CELSR1: variants seen among roughly 807,000 people sequenced by gnomAD.
CELSR1 encodes the protein adhesion G protein-coupled receptor C1.
In CELSR1, 110 loss-of-function variants were observed where a neutral mutation model predicts 249.1. That is an observed-to-expected ratio of 0.44 (90% confidence interval 0.38 to 0.52). CELSR1 has a LOEUF of 0.52. Ranked by LOEUF, CELSR1 falls within the 20% of genes least tolerant of loss-of-function variation. CELSR1 has a pLI of 0.00. For synonymous variants in CELSR1, 2,113 were observed against 1,900.0 expected (o/e 1.11, Z -2.92); for missense variants, 4,109 against 4,296.4 (o/e 0.96, Z 1.22).
intron 1 of CELSR1, among the ~76,000 whole-genome samples, chr22:46,520,982 G>A (rs1198204068): frequency 6.6e-6 from 1 of 152,100 alleles, no homozygotes; most frequent in East Asian, 1.9e-4. Context: ...CAGAATTTGT[G>A]CTTTTCAGTC....
chr22:46,536,468 G>A lies in CELSR1; in HGVS notation c.703C>T (p.Arg235Trp). 1 of 1,606,412 alleles carries A rather than the reference G, an allele frequency of 6.2e-7. No homozygotes were observed. Among genetic ancestry groups the A allele is most frequent in the Non-Finnish European group, 8.5e-7 (1 of 1,177,062 alleles). The change falls in exon 1 of 35, where the codon CGG becomes TGG. Residue 235 changes from arginine (R) to tryptophan (W), a missense_variant. This residue lies in a region of CELSR1 where 673 missense variants were observed against 636.8 expected (regional missense o/e 1.06). Transcript: ENST00000674500. ...ARAGPARRAR[R>W]GTSGRGSLKF... ...AGGCTCCCTCTGCCGCTCGTGCCCC[G>A]CCGGGCCCGTCGCGCCGGCCCCGCC...
intron 1 of CELSR1, among the ~76,000 whole-genome samples, chr22:46,532,589 C>T (rs1419212258): frequency 6.6e-6 from 1 of 152,200 alleles, no homozygotes; most frequent in African/African-American, 2.4e-5. Flanking sequence ...ATCCTAATAA[C>T]TCACTGTTTA....
intron 1 of CELSR1, among the ~76,000 whole-genome samples, chr22:46,475,542 G>A (rs1003879622): frequency 2.0e-5 from 3 of 152,022 alleles, no homozygotes; most frequent in Non-Finnish European, 4.4e-5. Context: ...GGAGGTGGAT[G>A]GTGGTGACGC....
chr22:46,485,936 T>C (rs1212435140), intron 1 of CELSR1, among the ~76,000 whole-genome samples: 2 of 51,790 alleles, frequency 3.9e-5, no homozygotes, highest in Non-Finnish European at 1.4e-4. Flanking sequence ...GTACTTTTTT[T>C]TTTTTTTTTT....
Position 46,408,891 on chromosome 22 carries a change from G to A in CELSR1, c.5226+105C>T, listed in dbSNP as rs2079297461. The A allele has an allele frequency of 3.3e-6, 3 of 902,394 alleles. No individual in the cohort carries two copies. The highest frequency in any genetic ancestry group is 3.5e-4 in the Middle Eastern group (1 of 2,856). 55.9% of individuals were successfully genotyped at this position (902,394 alleles called of 1,614,324 possible). A position where few individuals can be genotyped will look rare whatever the true frequency, so the allele number is the denominator to read the frequency against. On this transcript the variant is annotated intron_variant, in intron 9 of 34. Coordinates refer to ENST00000674500, the MANE Select transcript of CELSR1 (RefSeq NM_001378328.1). The surrounding 1 kb of genome is among the most constrained non-coding windows in gnomAD (Gnocchi z 4.6). ...ACCCCAGGGGCGGGCGCCGGAGGAA[G>A]GGCGAGTAGCAGGTGCCCGAGTGTG... is the stretch of plus-strand genomic sequence containing the variant.
Position 46,409,351 on chromosome 22 carries a change from C to T in CELSR1, c.5060-189G>A, listed in dbSNP as rs1482441364. Among the ~76,000 whole-genome samples, 3 of 152,210 alleles carry T rather than the reference C, an allele frequency of 2.0e-5. No individual in the cohort carries two copies. The highest frequency in any genetic ancestry group is 4.4e-5 in the Non-Finnish European group (3 of 68,028). On this transcript the variant is annotated intron_variant, in intron 8 of 34. Transcript: ENST00000674500. The surrounding 1 kb of genome is among the most constrained non-coding windows in gnomAD (Gnocchi z 9.8). Reference sequence around the variant, plus strand: ...GTCAGCCACGTGGGCTCCAGAGAAGCGCACCCTGGGACGTGAGCCTCCTTG... The same window carrying T: ...GTCAGCCACGTGGGCTCCAGAGAAGTGCACCCTGGGACGTGAGCCTCCTTG...
In CELSR1 at chr22:46,446,740, G is replaced by C. The variant is rs16994776; in HGVS notation, c.4184-7329C>G. ...GCACTTAATCCATGAGTTACAAAACGACATAATTCCCATATTTGATTCAAA... is the reference window on the plus strand; with the variant it reads ...GCACTTAATCCATGAGTTACAAAACCACATAATTCCCATATTTGATTCAAA... On this transcript the variant is annotated intron_variant, in intron 2 of 34. Coordinates refer to ENST00000674500, the MANE Select transcript of CELSR1 (RefSeq NM_001378328.1). This position sits in a 1 kb window ranked among gnomAD's most constrained non-coding sequence, Gnocchi z 5.5. 0.15 allele frequency among the ~76,000 whole-genome samples: 22,234 copies of C among 152,088 alleles called. 1,908 individuals carry two copies. Among genetic ancestry groups the C allele is most frequent in the African/African-American group, 0.23 (9,429 of 41,456 alleles).
In CELSR1 at chr22:46,374,266, G is replaced by A. The variant is rs931158246; in HGVS notation, c.7585-1209C>T. ...GGGTGAGAAGGTTGGTTGGCTGGATGGCTGCTTCAAGTAATGCGAAAAGTA... is the reference window on the plus strand; with the variant it reads ...GGGTGAGAAGGTTGGTTGGCTGGATAGCTGCTTCAAGTAATGCGAAAAGTA... On this transcript the variant is annotated intron_variant, in intron 24 of 34. Transcript: ENST00000674500. This position sits in a 1 kb window ranked among gnomAD's most constrained non-coding sequence, Gnocchi z 4.3. Among the ~76,000 whole-genome samples the A allele has an allele frequency of 1.2e-4, 18 of 152,214 alleles. No individual in the cohort carries two copies. Among genetic ancestry groups the A allele is most frequent in the Non-Finnish European group, 1.9e-4 (13 of 68,040 alleles).
intron 5 of CELSR1, among the ~76,000 whole-genome samples, chr22:46,432,736 G>A (rs1378005761): frequency 6.6e-6 from 1 of 152,182 alleles, no homozygotes; most frequent in East Asian, 1.9e-4. Flanking sequence ...TGGCTACAGA[G>A]CCGTGTATGA....
rs182174107 is a variant in CELSR1, at chr22:46,470,941, G to A, written c.3545-6596C>T. 1.5e-4 allele frequency among the ~76,000 whole-genome samples: 23 copies of A among 152,174 alleles called. 1 individual carries two copies. The highest frequency in any genetic ancestry group is 1.4e-3 in the East Asian group (7 of 5,178). On this transcript the variant is annotated intron_variant, in intron 1 of 34. Coordinates refer to ENST00000674500, the MANE Select transcript of CELSR1 (RefSeq NM_001378328.1). ...GGAGTTCGAGACTAGCCTGGCGAAC[G>A]TGGCAAAACCCTGTCTCTACTAAAA...
Position 46,447,429 on chromosome 22 carries a change from G to C in CELSR1, c.4184-8018C>G, listed in dbSNP as rs2079833012. 6.6e-6 allele frequency among the ~76,000 whole-genome samples: 1 copy of C among 151,988 alleles called. No homozygotes were observed. Among genetic ancestry groups the C allele is most frequent in the East Asian group, 1.9e-4 (1 of 5,170 alleles). On this transcript the variant is annotated intron_variant, in intron 2 of 34. Transcript: ENST00000674500. The surrounding 1 kb of genome is among the most constrained non-coding windows in gnomAD (Gnocchi z 4.7). ...CCCTAGGATTCTGCTTGGAGTCAAA[G>C]GCTTGCTGAGTCATTCAAACCTGGG...
chr22:46,409,253 A>C lies in CELSR1; in HGVS notation c.5060-91T>G. ...GGGGCGGGGGATGGGCCTGCAGGCT[A>C]GGCCTGGGCCTTTTTCACTTTAACA... On this transcript the variant is annotated intron_variant, in intron 8 of 34. Transcript: ENST00000674500. This position sits in a 1 kb window ranked among gnomAD's most constrained non-coding sequence, Gnocchi z 9.8. 7.2e-7 allele frequency: 1 copy of C among 1,379,912 alleles called. No individual in the cohort carries two copies. The highest frequency in any genetic ancestry group is 1.0e-6 in the Non-Finnish European group (1 of 1,003,668). The allele number at this position is 1,379,912 out of a possible 1,614,324, so 85.5% of individuals were successfully genotyped here.
At chr22:46,515,281 G>C (rs1602231447) in intron 1 of CELSR1, among the ~76,000 whole-genome samples, 1 of 152,358 alleles carries the variant, frequency 6.6e-6, no homozygotes, top group South Asian at 2.1e-4. Flanking sequence ...CTCCTGGGGA[G>C]AGCTGCACAG....
chr22:46,453,727 G>A (rs563128403), intron 2 of CELSR1, among the ~76,000 whole-genome samples: 3 of 152,286 alleles, frequency 2.0e-5, no homozygotes, highest in African/African-American at 2.4e-5. Context: ...GGCTCAATTC[G>A]GACTCTCCAG....
In CELSR1 at chr22:46,436,355, G is replaced by C. The variant is rs1182188775; in HGVS notation, c.4407-66C>G. 8.0e-7 allele frequency: 1 copy of C among 1,245,002 alleles called. No homozygotes were observed. Among genetic ancestry groups the C allele is most frequent in the Admixed American group, 1.8e-5 (1 of 54,536 alleles). The allele number at this position is 1,245,002 out of a possible 1,614,324, so 77.1% of individuals were successfully genotyped here. A position where few individuals can be genotyped will look rare whatever the true frequency, so the allele number is the denominator to read the frequency against. On this transcript the variant is annotated intron_variant, in intron 3 of 34. Transcript: ENST00000674500. This position sits in a 1 kb window ranked among gnomAD's most constrained non-coding sequence, Gnocchi z 5.9. ...CAGGGTCCAAAGGCTGCCTAGGAAT[G>C]ACAAGTCCAGCCGGAGGAGGGCAAG...
At chr22:46,532,949 C>T (rs996309836) in intron 1 of CELSR1, among the ~76,000 whole-genome samples, 9 of 152,164 alleles carry the variant, frequency 5.9e-5, no homozygotes, top group Admixed American at 3.9e-4. Context: ...AGCAGGTGAG[C>T]GAGGTGCCCA....
At position 46,373,072 on chromosome 22, in the gene CELSR1, G is replaced by A. The variant is rs1442319605; in HGVS notation, c.7585-15C>T. The stretch of plus-strand genomic sequence containing the variant: ...GTGCACAGAAACTGCGCAGGGAGGG[G>A]CCGCTCAGCAAGGGCCCCTGCATCC... On this transcript the variant is annotated splice_polypyrimidine_tract_variant and intron_variant, in intron 24 of 34. Transcript: ENST00000674500. The A allele has an allele frequency of 6.3e-7, 1 of 1,577,660 alleles. No individual in the cohort carries two copies. The highest frequency in any genetic ancestry group is 8.6e-7 in the Non-Finnish European group (1 of 1,159,408).
chr22:46,521,487 A>G (rs1232461019), intron 1 of CELSR1, among the ~76,000 whole-genome samples: 2 of 150,928 alleles, frequency 1.3e-5, no homozygotes, highest in Non-Finnish European at 2.9e-5. Flanking sequence ...CCTGGGCGAC[A>G]GAGCAAGACT....
At chr22:46,438,362 C>A (rs1198810623) in intron 3 of CELSR1, among the ~76,000 whole-genome samples, 1 of 152,062 alleles carries the variant, frequency 6.6e-6, no homozygotes, top group East Asian at 1.9e-4. Context: ...TAGGCGCCCC[C>A]CAACCCGGCC....
Sources: gnomAD v4.1 joint callset for allele counts (sites outside exome capture counted in the v4.1 genomes callset) on GRCh38, gnomAD v4.1.1 for gene constraint, gnomAD v4.1.1 regional missense constraint, Gnocchi (gnomAD v3.1) non-coding constraint, MANE v1.5 for transcripts, NCBI Gene and HGNC (gene_info 2026-07-23, HGNC 2026-07-21) for gene names.